TMEM247: variants seen among roughly 807,000 people sequenced by gnomAD.
TMEM247 encodes transmembrane protein ENSP00000343375.
In TMEM247, 23 loss-of-function variants were observed where a neutral mutation model predicts 20.7. The ratio of observed to expected loss-of-function variants is 1.11; its 90% CI spans 0.80 to 1.57. TMEM247 has a LOEUF of 1.57. Ranked by LOEUF, TMEM247 falls within the 40% of genes most tolerant of loss-of-function variation. TMEM247 has a pLI of 0.00. For synonymous variants in TMEM247, 106 were observed against 111.9 expected (o/e 0.95, Z 0.33); for missense variants, 354 against 283.8 (o/e 1.25, Z -1.78).
exon 1 of TMEM247, chr2:46,479,651 C>A: frequency 1.3e-6 from 2 of 1,551,746 alleles, no homozygotes; most frequent in South Asian, 1.2e-5. Context: ...CGACCTTCCC[C>A]AAGATGGTGC....
chr2:46,480,783 G>C lies in TMEM247; in HGVS notation c.477+19G>C, dbSNP rs761102337. ...CCGCCTGGTGGGTGACAAGGAACGG[G>C]GCACTGGGAGGAGGGAGGCCTGGAG... On this transcript the variant is annotated intron_variant, in intron 2 of 2. Transcript: ENST00000434431. The C allele has an allele frequency of 8.0e-7, 1 of 1,256,774 alleles. No individual in the cohort carries two copies. The highest frequency in any genetic ancestry group is 5.8e-5 in the East Asian group (1 of 17,190). 77.9% of individuals were successfully genotyped at this position (1,256,774 alleles called of 1,614,324 possible).
At chr2:46,480,428 C>G (rs968366552) in exon 2 of TMEM247, 1 of 1,549,246 alleles carries the variant, frequency 6.5e-7, no homozygotes, top group African/African-American at 1.4e-5. Context: ...AGAAGCCAGA[C>G]TCCTCCTATG....
At chr2:46,480,653 T>G in exon 2 of TMEM247, 1 of 1,277,696 alleles carries the variant, frequency 7.8e-7, no homozygotes, top group East Asian at 5.5e-5. Context: ...AGTACCTGCA[T>G]GAGAAGAACC....
chr2:46,483,415 C>A (rs1431099211), intron 2 of TMEM247, among the ~76,000 whole-genome samples: 12 of 152,222 alleles, frequency 7.9e-5, no homozygotes, highest in East Asian at 3.9e-4. Flanking sequence ...AAACCCTGGA[C>A]TGAAGGACCA....
At chr2:46,479,839 A>G in intron 1 of TMEM247, 137 bp downstream of exon 1, 1 of 640,802 alleles carries the variant, frequency 1.6e-6, no homozygotes, top group South Asian at 1.9e-5. Context: ...TGTAACTGGC[A>G]CCAGCTGTCA....
intron 2 of TMEM247, among the ~76,000 whole-genome samples, chr2:46,481,529 C>G (rs191457095): frequency 1.3e-5 from 2 of 152,338 alleles, no homozygotes; most frequent in East Asian, 3.9e-4. Flanking sequence ...TGACATTGGG[C>G]AAATTACTAA....
intron 2 of TMEM247, among the ~76,000 whole-genome samples, chr2:46,483,294 C>G (rs1030335182): frequency 6.6e-6 from 1 of 152,142 alleles, no homozygotes. Flanking sequence ...AAGAGCAACC[C>G]ACAGACAGAA....
chr2:46,482,204 A>C (rs1686903046), intron 2 of TMEM247, among the ~76,000 whole-genome samples: 1 of 152,238 alleles, frequency 6.6e-6, no homozygotes, highest in Non-Finnish European at 1.5e-5. Context: ...CACTGAACTC[A>C]GTCAAGCTTA....
chr2:46,480,508 A>C (rs1332284779), exon 2 of TMEM247: 3 of 1,551,710 alleles, frequency 1.9e-6, no homozygotes, highest in Non-Finnish European at 2.6e-6. Context: ...CTGTCCCCCA[A>C]GTCCTGCCGT....
At chr2:46,483,174 G>A (rs77182748) in intron 2 of TMEM247, among the ~76,000 whole-genome samples, 14,602 of 152,184 alleles carry the variant, frequency 0.096, 938 homozygotes, top group Middle Eastern at 0.17. Flanking sequence ...CATGGGTTAT[G>A]CCCTCTTAAC....
chr2:46,481,570 G>T (rs1686889892), intron 2 of TMEM247, among the ~76,000 whole-genome samples: 1 of 152,188 alleles, frequency 6.6e-6, no homozygotes, highest in Admixed American at 6.5e-5. Flanking sequence ...GCTCATCCAT[G>T]AAGTAGTACC....
chr2:46,484,265 T>G (rs756027907), exon 3 of TMEM247: 2 of 1,551,176 alleles, frequency 1.3e-6, no homozygotes, highest in South Asian at 2.4e-5. Context: ...CCTCCAGAAC[T>G]TCCTGCTGCC....
At chr2:46,483,534 T>C (rs748616203) in intron 2 of TMEM247, among the ~76,000 whole-genome samples, 16 of 152,180 alleles carry the variant, frequency 1.1e-4, no homozygotes, top group Non-Finnish European at 5.9e-5. Context: ...AGGTTGAATG[T>C]CAGGGCACTG....
Position 46,479,719 on chromosome 2 carries a change from G to A in TMEM247, c.117+17G>A. 2 of 1,507,970 alleles carry A rather than the reference G, an allele frequency of 1.3e-6. No individual in the cohort carries two copies. Among genetic ancestry groups the A allele is most frequent in the Non-Finnish European group, 1.8e-6 (2 of 1,107,184 alleles). 93.4% of individuals were successfully genotyped at this position (1,507,970 alleles called of 1,614,324 possible). A position where few individuals can be genotyped will look rare whatever the true frequency, so the allele number is the denominator to read the frequency against. On this transcript the variant is annotated intron_variant, in intron 1 of 2. Transcript: ENST00000434431. ...GCTTATCTGGTAAGGGGGCTGCTGT[G>A]TCTCACCACCCCCGCCTATTCCGTC...
chr2:46,483,084 G>A (rs1037432056), intron 2 of TMEM247, among the ~76,000 whole-genome samples: 3 of 152,138 alleles, frequency 2.0e-5, no homozygotes, highest in African/African-American at 7.2e-5. Context: ...TTTCTAGCTA[G>A]TTTAGGGCAT....
chr2:46,479,625 G>A (rs1281817079), exon 1 of TMEM247: 1 of 1,551,648 alleles, frequency 6.4e-7, no homozygotes, highest in Non-Finnish European at 8.7e-7. Flanking sequence ...AGCCCGGGGT[G>A]CGGGAGAAAG....
rs565429978 is a variant in TMEM247 at position 46,479,725 on chromosome 2, C to G, written c.117+23C>G. On this transcript the variant is annotated intron_variant, in intron 1 of 2. Transcript: ENST00000434431. ...CTGGTAAGGGGGCTGCTGTGTCTCA[C>G]CACCCCCGCCTATTCCGTCAGGGGG... 84 of 1,481,384 alleles carry G rather than the reference C, an allele frequency of 5.7e-5. No homozygotes were observed. The African/African-American group carries it at 8.8e-4, about 15-fold the overall frequency. 91.8% of individuals were successfully genotyped at this position (1,481,384 alleles called of 1,614,324 possible). A position where few individuals can be genotyped will look rare whatever the true frequency, so the allele number is the denominator to read the frequency against.
intron 1 of TMEM247, among the ~76,000 whole-genome samples, chr2:46,479,927 T>C (rs1686846093): frequency 6.6e-6 from 1 of 152,172 alleles, no homozygotes; most frequent in East Asian, 1.9e-4. Context: ...ACCTCCCCAC[T>C]TGGGGTCCTT....
At chr2:46,480,799 AGGCCTGGAGCTGAAGTCCCATGG>A in intron 2 of TMEM247, 35 bp downstream of exon 2, 3 of 1,451,592 alleles carry the variant, frequency 2.1e-6, no homozygotes, top group South Asian at 1.3e-5. Flanking sequence ...GGGAGGAGGG[AGGCCTGGAGCTGAAGTCCCATGG>A]GGCCTGGAGC....
Sources: gnomAD v4.1 joint callset for allele counts (sites outside exome capture counted in the v4.1 genomes callset) on GRCh38, gnomAD v4.1.1 for gene constraint, MANE v1.5 for transcripts, NCBI Gene and HGNC (gene_info 2026-07-23, HGNC 2026-07-21) for gene names.